FRMPD2: variants seen among roughly 807,000 people sequenced by gnomAD.
FRMPD2 encodes the protein FERM and PDZ domain containing 2, also known as FERM and PDZ domain-containing protein 2.
In FRMPD2, 96 loss-of-function variants were observed where a neutral mutation model predicts 140.1. That is an observed-to-expected ratio of 0.69 (90% confidence interval 0.58 to 0.81). FRMPD2 has a LOEUF of 0.81. Ranked by LOEUF, FRMPD2 falls within the 40% of genes least tolerant of loss-of-function variation. The pLI, the probability that FRMPD2 is intolerant of heterozygous loss-of-function variation, is 0.00. For missense variants in FRMPD2, 1,240 were observed against 1,447.4 expected, an observed-to-expected ratio of 0.86 and a Z score of 2.32; for synonymous variants, 449 against 547.6, an observed-to-expected ratio of 0.82 and a Z score of 2.52.
intron 1 of FRMPD2, among the ~76,000 whole-genome samples, chr10:48,264,049 T>G (rs1840640947): frequency 6.6e-6 from 1 of 151,918 alleles, no homozygotes; most frequent in Admixed American, 6.6e-5. Context: ...ATAATCAAAT[T>G]TATTAATACA....
chr10:48,245,896 ATTTGAGCCCCCCAC>A (rs1252984951), intron 3 of FRMPD2, among the ~76,000 whole-genome samples: 2 of 152,210 alleles, frequency 1.3e-5, no homozygotes, highest in African/African-American at 4.8e-5. Context: ...ACACACAGTT[ATTTGAGCCCCCCAC>A]TTGGTTTAAT....
At chr10:48,224,317 CCTT>C (rs1434694700) in intron 10 of FRMPD2, among the ~76,000 whole-genome samples, 1 of 152,202 alleles carries the variant, frequency 6.6e-6, no homozygotes, top group African/African-American at 2.4e-5. Context: ...AGTGGCTCCT[CCTT>C]CTCAGTGCTC....
chr10:48,262,712 A>G (rs906837801), intron 1 of FRMPD2, among the ~76,000 whole-genome samples: 3 of 152,282 alleles, frequency 2.0e-5, no homozygotes, highest in Middle Eastern at 3.4e-3. Context: ...TTCACATGGA[A>G]CACTCACCAA....
intron 25 of FRMPD2, among the ~76,000 whole-genome samples, chr10:48,172,469 C>T (rs1242064079): frequency 6.6e-6 from 1 of 152,194 alleles, no homozygotes; most frequent in Non-Finnish European, 1.5e-5. Flanking sequence ...GGAAAACGTG[C>T]AGTTTTGTCC....
In FRMPD2 at chr10:48,201,495, C is replaced by T. The variant is rs532282252; in HGVS notation, c.1798-111G>A. The T allele has an allele frequency of 2.5e-3, 2,130 of 866,078 alleles. 6 individuals carry two copies. The highest frequency in any genetic ancestry group is 5.6e-3 in the Admixed American group (253 of 45,008). The allele number at this position is 866,078 out of a possible 1,614,324, so 53.6% of individuals were successfully genotyped here. A position where few individuals can be genotyped will look rare whatever the true frequency, so the allele number is the denominator to read the frequency against. ...TGGTTCCACACCCTGTAGCAGGCAT[C>T]CACGGGTGCATGGCAGATGCTGTCT... On this transcript the variant is annotated intron_variant, in intron 14 of 28. Transcript: ENST00000374201.
chr10:48,222,714 G>C (rs1227430525), intron 11 of FRMPD2, among the ~76,000 whole-genome samples: 1 of 152,158 alleles, frequency 6.6e-6, no homozygotes. Flanking sequence ...GAGTGAGGAA[G>C]CTAATAACCA....
intron 1 of FRMPD2, among the ~76,000 whole-genome samples, chr10:48,270,431 T>C (rs769003114): frequency 6.6e-5 from 10 of 152,210 alleles, no homozygotes; most frequent in Non-Finnish European, 1.2e-4. Flanking sequence ...AAGAACATAA[T>C]TGACAAAGAT....
At chr10:48,207,579 G>A (rs556706393) in intron 13 of FRMPD2, among the ~76,000 whole-genome samples, 34 of 152,302 alleles carry the variant, frequency 2.2e-4, no homozygotes, top group African/African-American at 6.0e-4. Context: ...TGGGGACTGC[G>A]TTAGGCCACC....
rs538358170 is a variant in FRMPD2 at position 48,204,919 on chromosome 10, T to C, written c.1797+1829A>G. Among the ~76,000 whole-genome samples, 3 of 152,340 alleles carry C rather than the reference T, an allele frequency of 2.0e-5. No homozygotes were observed. In the South Asian group the frequency reaches 6.2e-4, roughly 32 times the overall value. ...AACCACACATGGACGCCAACACATC[T>C]ACGAATCATATTCTTTGGAAATGTC... On this transcript the variant is annotated intron_variant, in intron 14 of 28. Coordinates refer to ENST00000374201, the MANE Select transcript of FRMPD2 (RefSeq NM_001018071.4).
At chr10:48,189,190 C>T (rs1204813806) in intron 16 of FRMPD2, among the ~76,000 whole-genome samples, 2 of 152,224 alleles carry the variant, frequency 1.3e-5, no homozygotes, top group Non-Finnish European at 2.9e-5. Flanking sequence ...ATATACCAGG[C>T]ACATTGCTGT....
chr10:48,225,830 T>A (rs1425250800), intron 10 of FRMPD2, among the ~76,000 whole-genome samples: 1 of 152,186 alleles, frequency 6.6e-6, no homozygotes, highest in Non-Finnish European at 1.5e-5. Context: ...TTTCTGCTGG[T>A]GCTAAGTTCT....
chr10:48,241,402 GC>G (rs1299747635), intron 5 of FRMPD2, among the ~76,000 whole-genome samples: 1 of 152,120 alleles, frequency 6.6e-6, no homozygotes, highest in Non-Finnish European at 1.5e-5. Flanking sequence ...CACCTCACTT[GC>G]CCATCCTATC....
At chr10:48,233,971 T>C (rs1269810641) in intron 9 of FRMPD2, among the ~76,000 whole-genome samples, 1 of 152,140 alleles carries the variant, frequency 6.6e-6, no homozygotes, top group Non-Finnish European at 1.5e-5. Context: ...GCACCAAAGC[T>C]CTTTCCCTGG....
intron 14 of FRMPD2, among the ~76,000 whole-genome samples, chr10:48,202,775 T>G (rs1406935758): frequency 1.3e-5 from 2 of 152,212 alleles, no homozygotes; most frequent in African/African-American, 4.8e-5. Context: ...TTAAGTTTAT[T>G]CAGATATTAA....
chr10:48,197,812 A>G (rs1220535749), intron 15 of FRMPD2, among the ~76,000 whole-genome samples: 1 of 152,238 alleles, frequency 6.6e-6, no homozygotes, highest in Non-Finnish European at 1.5e-5. Context: ...ATGAAAGGCC[A>G]TAGTACAGGC....
At chr10:48,201,525 A>G in intron 14 of FRMPD2, 141 bp from the exon 15 acceptor site, 1 of 606,600 alleles carries the variant, frequency 1.6e-6, no homozygotes, top group Non-Finnish European at 2.8e-6. Context: ...CTGTCTGACT[A>G]TGGCCTGATA....
intron 1 of FRMPD2, among the ~76,000 whole-genome samples, chr10:48,252,476 G>C (rs1840406747): frequency 1.3e-5 from 2 of 152,130 alleles, no homozygotes; most frequent in South Asian, 4.1e-4. Flanking sequence ...TACAGCCAGA[G>C]CTCAAGCAGG....
chr10:48,238,541 A>G (rs962190022), intron 7 of FRMPD2, among the ~76,000 whole-genome samples: 7 of 152,234 alleles, frequency 4.6e-5, no homozygotes, highest in Admixed American at 4.6e-4. Flanking sequence ...AATTGTTTTC[A>G]TTGGGAAAAT....
At chr10:48,188,526 G>C (rs578230078) in intron 16 of FRMPD2, among the ~76,000 whole-genome samples, 1 of 152,336 alleles carries the variant, frequency 6.6e-6, no homozygotes, top group South Asian at 2.1e-4. Flanking sequence ...GAGGGTAAAG[G>C]GTGGGTCAGG....
Sources: allele counts gnomAD v4.1 joint callset (sites outside exome capture counted in the v4.1 genomes callset), GRCh38; gene constraint gnomAD v4.1.1; transcripts MANE v1.5; gene names NCBI Gene and HGNC (gene_info 2026-07-23, HGNC 2026-07-21).